XKR6: variants seen among roughly 807,000 people sequenced by gnomAD.
XKR6 encodes XK-related protein 6.
In XKR6, 22 loss-of-function variants were observed where a neutral mutation model predicts 56.7. The observed-to-expected ratio is 0.39, with a 90% CI of 0.28 to 0.55. XKR6 has a LOEUF of 0.55. XKR6 is among the 20% of genes least tolerant of loss of function. The probability of loss-of-function intolerance (pLI) is 0.66; values close to 1 mark genes in which losing one functional copy is unlikely to be tolerated. For missense variants in XKR6, 852 were observed against 889.0 expected (o/e 0.96, Z 0.53); for synonymous variants, 524 against 387.8 (o/e 1.35, Z -4.13).
chr8:11,052,427 A>T (rs542506942), intron 1 of XKR6, among the ~76,000 whole-genome samples: 1 of 152,226 alleles, frequency 6.6e-6, no homozygotes, highest in Non-Finnish European at 1.5e-5. Context: ...ACTCGAAGAT[A>T]GGAAATTTGT....
chr8:11,122,492 G>A (rs1319208038), intron 1 of XKR6, among the ~76,000 whole-genome samples: 3 of 152,234 alleles, frequency 2.0e-5, no homozygotes, highest in African/African-American at 7.2e-5. Context: ...AAAATGACAG[G>A]AGTCTCACAA....
chr8:11,160,301 T>C (rs1367788949), intron 1 of XKR6, among the ~76,000 whole-genome samples: 1 of 152,088 alleles, frequency 6.6e-6, no homozygotes, highest in Admixed American at 6.5e-5. Context: ...AAGGATATTA[T>C]GTTCAATTCT....
At chr8:11,102,590 A>C (rs981656144) in intron 1 of XKR6, among the ~76,000 whole-genome samples, 2 of 152,048 alleles carry the variant, frequency 1.3e-5, no homozygotes, top group Non-Finnish European at 2.9e-5. Flanking sequence ...GCAGAACCTA[A>C]CTCTATGGAA....
intron 1 of XKR6, among the ~76,000 whole-genome samples, chr8:10,964,634 A>G (rs987618140): frequency 3.8e-4 from 58 of 152,024 alleles, no homozygotes; most frequent in Non-Finnish European, 5.6e-4. Flanking sequence ...CCTCCCAACA[A>G]TCAGCACCTG....
chr8:10,942,372 C>T (rs1423463373), intron 1 of XKR6, among the ~76,000 whole-genome samples: 1 of 152,214 alleles, frequency 6.6e-6, no homozygotes, highest in Non-Finnish European at 1.5e-5. Context: ...TACGTGTGGA[C>T]ACACAGTCAC....
chr8:11,195,277 T>C (rs1221159868), intron 1 of XKR6: 3 of 657,472 alleles, frequency 4.6e-6, no homozygotes, highest in African/African-American at 1.8e-5. Flanking sequence ...ACATTTTATG[T>C]TTACACCTTT....
At chr8:11,178,508 C>T (rs888308543) in intron 1 of XKR6, among the ~76,000 whole-genome samples, 1 of 141,064 alleles carries the variant, frequency 7.1e-6, no homozygotes, top group Non-Finnish European at 1.5e-5. Flanking sequence ...ACTAATAAAA[C>T]CACACCAAAT....
intron 1 of XKR6, among the ~76,000 whole-genome samples, chr8:11,166,583 T>G (rs933658468): frequency 4.6e-5 from 7 of 151,194 alleles, no homozygotes; most frequent in African/African-American, 1.7e-4. Flanking sequence ...TTTATTTATT[T>G]ATTTTTGAGA....
Position 11,201,046 on chromosome 8 carries a change from G to T in XKR6, c.294C>A (p.Pro98=), listed in dbSNP as rs1245977513. The part of the protein sequence containing the change: ...ADGGDQPLQP[P]AAPGAGRQPP... ...GTTGGCGGCCGGCGCCGGGGGCCGC[G>T]GGAGGCTGCAGCGGCTGGTCCCCCC... Residue 98 remains proline (P), a synonymous_variant, in exon 1 of 3, where the codon CCC becomes CCA. Transcript: ENST00000416569. The T allele has an allele frequency of 3.3e-6, 4 of 1,212,126 alleles. No homozygotes were observed. The highest frequency in any genetic ancestry group is 4.1e-6 in the Non-Finnish European group (4 of 979,406). 75.1% of individuals were successfully genotyped at this position (1,212,126 alleles called of 1,614,324 possible).
chr8:11,023,190 C>A (rs965631432), intron 1 of XKR6, among the ~76,000 whole-genome samples: 1 of 152,208 alleles, frequency 6.6e-6, no homozygotes, highest in Non-Finnish European at 1.5e-5. Context: ...CCTCCATGTC[C>A]CCATTTCCTA....
intron 1 of XKR6, among the ~76,000 whole-genome samples, chr8:10,980,510 C>G (rs1450811109): frequency 6.6e-6 from 1 of 152,174 alleles, no homozygotes. Flanking sequence ...TCCTTAACAG[C>G]AGGAACGTGC....
At chr8:10,990,882 C>T (rs973066943) in intron 1 of XKR6, among the ~76,000 whole-genome samples, 5 of 145,424 alleles carry the variant, frequency 3.4e-5, no homozygotes, top group Admixed American at 2.1e-4. Context: ...CATGCCCGGC[C>T]ACTGGGGAAT....
Position 10,896,825 on chromosome 8 carries a change from G to T in XKR6, c.*1127C>A, listed in dbSNP as rs1265086987. 2.0e-5 allele frequency: 3 copies of T among 151,438 alleles called. No individual in the cohort carries two copies. Among genetic ancestry groups the T allele is most frequent in the Non-Finnish European group, 4.4e-5 (3 of 67,908 alleles). The allele number at this position is 151,438 out of a possible 1,614,324, so 9.4% of individuals were successfully genotyped here. On this transcript the variant is annotated 3_prime_UTR_variant, in exon 3 of 3. Transcript: ENST00000416569. ...AGAATTCTTTCCAGATCAATTTAAG[G>T]CTTCCCACCAAATGGAAACAGAAGA...
chr8:11,037,599 C>T (rs965296029), intron 1 of XKR6, among the ~76,000 whole-genome samples: 6 of 152,230 alleles, frequency 3.9e-5, no homozygotes, highest in African/African-American at 1.2e-4. Context: ...GTGGCTCACG[C>T]CTGTAATCCC....
chr8:10,982,993 T>C (rs1246033207), intron 1 of XKR6, among the ~76,000 whole-genome samples: 4 of 152,164 alleles, frequency 2.6e-5, no homozygotes, highest in African/African-American at 7.2e-5. Context: ...ATTTGTGAAA[T>C]GAAGGCCCAT....
intron 1 of XKR6, among the ~76,000 whole-genome samples, chr8:11,155,487 G>A (rs1801478354): frequency 6.6e-6 from 1 of 152,164 alleles, no homozygotes; most frequent in African/African-American, 2.4e-5. Flanking sequence ...TTATCTTCAG[G>A]ATAAGGAGCC....
At chr8:10,907,131 C>G (rs1429775444) in intron 2 of XKR6, among the ~76,000 whole-genome samples, 1 of 152,008 alleles carries the variant, frequency 6.6e-6, no homozygotes, top group East Asian at 1.9e-4. Context: ...TCAGGACTGA[C>G]AAATATGTGG....
chr8:11,082,946 T>C lies in XKR6; in HGVS notation c.764+117630A>G, dbSNP rs1806648. Among the ~76,000 whole-genome samples, 307 of 152,354 alleles carry C rather than the reference T, an allele frequency of 2.0e-3. 10 individuals carry two copies. The highest frequency in any genetic ancestry group is 0.019 in the Admixed American group (285 of 15,306). On this transcript the variant is annotated intron_variant, in intron 1 of 2. Transcript: ENST00000416569. ...ATTTATTTCTCGTCTTTATAGCTGCTGCGGCCAGGTAGCCCTAGGCAGGGC... is the reference window on the plus strand; with the variant it reads ...ATTTATTTCTCGTCTTTATAGCTGCCGCGGCCAGGTAGCCCTAGGCAGGGC...
intron 1 of XKR6, among the ~76,000 whole-genome samples, chr8:11,129,713 T>A (rs548114713): frequency 1.1e-4 from 17 of 152,336 alleles, no homozygotes; most frequent in African/African-American, 3.1e-4. Context: ...AATTTAAGGA[T>A]TTTGCATTTG....
Sources: allele counts gnomAD v4.1 joint callset (sites outside exome capture counted in the v4.1 genomes callset), GRCh38; gene constraint gnomAD v4.1.1; transcripts MANE v1.5; gene names NCBI Gene and HGNC (gene_info 2026-07-23, HGNC 2026-07-21).